Variants in ATP10B observed in about 807,000 individuals in gnomAD.
The protein encoded by ATP10B is phospholipid-transporting ATPase VB.
Under a neutral mutation model 141.2 loss-of-function variants are expected in ATP10B, and 122 were observed. The observed-to-expected ratio is 0.86, with a 90% CI of 0.75 to 1.00. The LOEUF is 1.00. Among genes scored for constraint, ATP10B ranks in the 50% least tolerant of loss-of-function variants. ATP10B has a pLI of 0.00. For missense variants in ATP10B, 1,876 were observed against 1,825.3 expected (o/e 1.03, Z -0.51); for synonymous variants, 685 against 692.0 (o/e 0.99, Z 0.16).
chr5:160,718,978 A>T (rs1294336336), intron 2 of ATP10B, among the ~76,000 whole-genome samples: 1 of 152,224 alleles, frequency 6.6e-6, no homozygotes, highest in Non-Finnish European at 1.5e-5. Flanking sequence ...CAGATGAATA[A>T]ACAAAGGAAT....
At chr5:160,830,110 G>A (rs909602432) in intron 1 of ATP10B, among the ~76,000 whole-genome samples, 1 of 151,982 alleles carries the variant, frequency 6.6e-6, no homozygotes, top group Non-Finnish European at 1.5e-5. Context: ...CTTGAGGTAT[G>A]TTCCTTCTAT....
chr5:160,920,124 A>G, the ATP10B span, among the ~76,000 whole-genome samples: 1 of 152,174 alleles, frequency 6.6e-6, no homozygotes, highest in South Asian at 2.1e-4. Flanking sequence ...GTGGGTGGCA[A>G]TGGCAGGGAG....
the ATP10B span, among the ~76,000 whole-genome samples, chr5:160,894,309 A>G: frequency 2.0e-5 from 3 of 152,110 alleles, no homozygotes; most frequent in African/African-American, 7.2e-5. Context: ...ACCTTGAAAA[A>G]ATGTTACATG....
At chr5:160,650,514 A>C (rs1581263831) in intron 7 of ATP10B, among the ~76,000 whole-genome samples, 2 of 152,170 alleles carry the variant, frequency 1.3e-5, no homozygotes, top group East Asian at 3.8e-4. Context: ...TGGTCTGAAG[A>C]AACTCCCCAG....
chr5:160,609,730 C>T (rs1415828406), intron 18 of ATP10B, among the ~76,000 whole-genome samples: 1 of 152,124 alleles, frequency 6.6e-6, no homozygotes, highest in Non-Finnish European at 1.5e-5. Context: ...ATTCCTGTGT[C>T]TACCTTTTAA....
Position 160,616,173 on chromosome 5 carries a change from C to G in ATP10B, c.2527-209G>C, listed in dbSNP as rs116563483. On this transcript the variant is annotated intron_variant, in intron 16 of 25. Transcript: ENST00000327245. The stretch of plus-strand genomic sequence containing the variant: ...ATTATCACTAAAAATCTATTGTGCT[C>G]AGATCACTGGAGATGATCTGGACAG... 6.9e-3 allele frequency among the ~76,000 whole-genome samples: 1,055 copies of G among 152,176 alleles called. 16 individuals carry two copies. Among genetic ancestry groups the G allele is most frequent in the African/African-American group, 0.023 (946 of 41,480 alleles).
Position 160,682,139 on chromosome 5 carries a change from C to T in ATP10B, c.470+3940G>A, listed in dbSNP as rs562259799. On this transcript the variant is annotated intron_variant, in intron 6 of 25. Coordinates refer to ENST00000327245, the MANE Select transcript of ATP10B (RefSeq NM_025153.3). ...TTGTATACTTGAAAAAGTAAAAATT[C>T]CCAAACTTAGATATTAAAAAATATT... Among the ~76,000 whole-genome samples the T allele has an allele frequency of 2.0e-5, 3 of 152,296 alleles. No homozygotes were observed. The South Asian group carries it at 6.2e-4, about 32-fold the overall frequency.
intron 24 of ATP10B, among the ~76,000 whole-genome samples, chr5:160,579,587 A>C (rs1755416576): frequency 6.6e-6 from 1 of 152,088 alleles, no homozygotes; most frequent in African/African-American, 2.4e-5. Flanking sequence ...GCATAGTTTG[A>C]AGTCAAGCAG....
intron 22 of ATP10B, among the ~76,000 whole-genome samples, chr5:160,596,234 C>T (rs1240206413): frequency 6.6e-6 from 1 of 152,180 alleles, no homozygotes; most frequent in Non-Finnish European, 1.5e-5. Context: ...AAGGCTGGTT[C>T]AATATACTCA....
intron 6 of ATP10B, among the ~76,000 whole-genome samples, chr5:160,683,617 T>G (rs1041195561): frequency 6.6e-6 from 1 of 152,184 alleles, no homozygotes; most frequent in African/African-American, 2.4e-5. Context: ...CCAGAGCCAG[T>G]GCGGAATGTC....
intron 2 of ATP10B, among the ~76,000 whole-genome samples, chr5:160,740,596 C>G (rs1216045216): frequency 2.0e-5 from 3 of 152,132 alleles, no homozygotes; most frequent in Admixed American, 1.3e-4. Context: ...TCTTTTATTT[C>G]CAGGACTAAA....
Position 160,591,089 on chromosome 5 carries a change from C to T in ATP10B, c.3615G>A (p.Gln1205=), listed in dbSNP as rs1470348766. 6.2e-7 allele frequency: 1 copy of T among 1,613,932 alleles called. No homozygotes were observed. The highest frequency in any genetic ancestry group is 1.7e-5 in the Admixed American group (1 of 59,970). ...FWISMVDAFY[Q]SLICFFIPYL... ...AAGGGATAAAGAAACAGATGAGGCT[C>T]TGGTAGAATGCATCCACCATAGAAA... Residue 1205 remains glutamine, a synonymous_variant, in exon 23 of 26, where the codon CAG becomes CAA. Coordinates refer to ENST00000327245, the MANE Select transcript of ATP10B (RefSeq NM_025153.3).
At chr5:160,797,773 C>G (rs1772057338) in intron 1 of ATP10B, among the ~76,000 whole-genome samples, 1 of 151,738 alleles carries the variant, frequency 6.6e-6, no homozygotes, top group African/African-American at 2.4e-5. Context: ...AAAGCATTAA[C>G]ATGGTACTAA....
In ATP10B at chr5:160,591,083, G is replaced by C. The variant is rs1338989460; in HGVS notation, c.3621C>G (p.Leu1207=). 6.2e-7 allele frequency: 1 copy of C among 1,614,014 alleles called. No individual in the cohort carries two copies. Among genetic ancestry groups the C allele is most frequent in the Non-Finnish European group, 8.5e-7 (1 of 1,179,918 alleles). The change falls in exon 23 of 26, where the codon CTC becomes CTG. Residue 1207 remains leucine (L), a synonymous_variant. Transcript: ENST00000327245. ...ISMVDAFYQS[L]ICFFIPYLAY... is the part of the protein sequence containing the mutation. ...CCAGGTAAGGGATAAAGAAACAGAT[G>C]AGGCTCTGGTAGAATGCATCCACCA...
chr5:160,900,259 TTTTC>T, the ATP10B span, among the ~76,000 whole-genome samples: 7 of 152,210 alleles, frequency 4.6e-5, no homozygotes, highest in Admixed American at 3.3e-4. Flanking sequence ...TTCATGCACA[TTTTC>T]TTTCTCTTTT....
At chr5:160,629,044 T>C (rs187588945) in intron 13 of ATP10B, among the ~76,000 whole-genome samples, 1 of 152,150 alleles carries the variant, frequency 6.6e-6, no homozygotes, top group East Asian at 1.9e-4. Flanking sequence ...CTTTAGAAGG[T>C]GGTAGAATGC....
At chr5:160,850,600 T>G (rs2127992765) in intron 1 of ATP10B, among the ~76,000 whole-genome samples, 1 of 152,290 alleles carries the variant, frequency 6.6e-6, no homozygotes, top group Non-Finnish European at 1.5e-5. Flanking sequence ...TCCGTTCCTT[T>G]GAAAGGCAGC....
At chr5:160,896,351 A>G in the ATP10B span, among the ~76,000 whole-genome samples, 1 of 152,204 alleles carries the variant, frequency 6.6e-6, no homozygotes, top group African/African-American at 2.4e-5. Context: ...ATAAAAAATG[A>G]TAATGGGGAT....
chr5:160,840,637 T>C (rs1775756242), intron 1 of ATP10B, among the ~76,000 whole-genome samples: 1 of 152,068 alleles, frequency 6.6e-6, no homozygotes, highest in Non-Finnish European at 1.5e-5. Flanking sequence ...TCTAGGTTTA[T>C]GAAAAAGTTT....
Sources: gnomAD v4.1 joint callset for allele counts (sites outside exome capture counted in the v4.1 genomes callset) on GRCh38, gnomAD v4.1.1 for gene constraint, MANE v1.5 for transcripts, NCBI Gene and HGNC (gene_info 2026-07-23, HGNC 2026-07-21) for gene names.